The following FRA10AC1 variants were observed in gnomAD, a reference collection of about 807,000 sequenced individuals.
FRA10AC1 encodes FRA10A associated CGG repeat 1.
FRA10AC1 carries 43 observed loss-of-function variants against 56.5 expected under a neutral mutation model. The ratio of observed to expected loss-of-function variants is 0.76; its 90% CI spans 0.60 to 0.98. The LOEUF is 0.98. FRA10AC1 is among the 50% of genes least tolerant of loss of function. The probability of loss-of-function intolerance (pLI) is 0.00; values close to 1 mark genes in which losing one functional copy is unlikely to be tolerated. For synonymous variants in FRA10AC1, 112 were observed against 110.5 expected, an observed-to-expected ratio of 1.01 and a Z score of -0.09; for missense variants, 346 against 351.8, an observed-to-expected ratio of 0.98 and a Z score of 0.13.
Position 93,689,876 on chromosome 10 carries a change from G to A in FRA10AC1, c.465+2133C>T, listed in dbSNP as rs374566361. On this transcript the variant is annotated intron_variant, in intron 7 of 13. Coordinates refer to ENST00000359204, the MANE Select transcript of FRA10AC1 (RefSeq NM_145246.5). ...GAAGGATTCTGACTTTATGACCATCGACTTGAACTTTTATGTATAAGAAAA... is the reference window on the plus strand; with the variant it reads ...GAAGGATTCTGACTTTATGACCATCAACTTGAACTTTTATGTATAAGAAAA... Among the ~76,000 whole-genome samples the A allele has an allele frequency of 2.6e-5, 4 of 152,082 alleles. 1 individual carries two copies. The highest frequency in any genetic ancestry group is 4.1e-4 in the South Asian group (2 of 4,824).
intron 8 of FRA10AC1, chr10:93,685,564 TCTTG>T (rs2059013067): frequency 2.5e-6 from 1 of 398,864 alleles, no homozygotes; most frequent in Non-Finnish European, 4.4e-6. Context: ...GTCACAGAAT[TCTTG>T]CTTGATAGAC....
chr10:93,692,619 T>G, intron 6 of FRA10AC1, 27 bp downstream of exon 6: 1 of 1,388,668 alleles, frequency 7.2e-7, no homozygotes, highest in Non-Finnish European at 1.0e-6. Context: ...AAGCATTTGA[T>G]GCATTACGCC....
At chr10:93,695,897 GCTTTGCAAGCCA>G (rs141469593) in intron 4 of FRA10AC1, among the ~76,000 whole-genome samples, 16,563 of 152,118 alleles carry the variant, frequency 0.11, 1,417 homozygotes, top group East Asian at 0.23. Flanking sequence ...AATATTTCAG[GCTTTGCAAGCCA>G]TATGGTCTCT....
intron 8 of FRA10AC1, among the ~76,000 whole-genome samples, chr10:93,686,546 T>A (rs2059030811): frequency 6.6e-6 from 1 of 151,780 alleles, no homozygotes; most frequent in African/African-American, 2.4e-5. Flanking sequence ...AATATAACCC[T>A]AAGAAAAGTT....
At position 93,693,961 on chromosome 10, in the gene FRA10AC1, T is replaced by G. The variant is rs901321881; in HGVS notation, c.296+900A>C. ...AGAAGGGAGGTGAGGGATAAAAGACTACATTTTAGGTATAGCATACAGTGC... is the reference window on the plus strand; with the variant it reads ...AGAAGGGAGGTGAGGGATAAAAGACGACATTTTAGGTATAGCATACAGTGC... On this transcript the variant is annotated intron_variant, in intron 5 of 13. Transcript: ENST00000359204. Among the ~76,000 whole-genome samples, 5 of 151,938 alleles carry G rather than the reference T, an allele frequency of 3.3e-5. No homozygotes were observed. The South Asian group carries it at 1.0e-3, about 32-fold the overall frequency.
intron 1 of FRA10AC1, 92 bp from the exon 2 acceptor site, chr10:93,700,198 C>G: frequency 1.3e-6 from 1 of 755,148 alleles, no homozygotes; most frequent in South Asian, 1.7e-5. Flanking sequence ...TAAACAGCCA[C>G]AATAGTTTTA....
In FRA10AC1 at chr10:93,698,180, C is replaced by T. The variant is rs1392090505; in HGVS notation, c.175G>A (p.Glu59Lys). 6 of 1,582,690 alleles carry T rather than the reference C, an allele frequency of 3.8e-6. No individual in the cohort carries two copies. The highest frequency in any genetic ancestry group is 5.2e-6 in the Non-Finnish European group (6 of 1,160,588). The change falls in exon 4 of 14, where the codon GAA (glutamate) becomes AAA (lysine). Residue 59 changes from glutamate (E) to lysine (K), a missense_variant and splice_region_variant. Transcript: ENST00000359204. ...TGAAACCTTCTATTTCTTGCTTCTT[C>T]CCTGTTAAAACAAATTTTTTTAAGA... ...KQVAAELLDREEARNRRFHLI... is the reference protein window; with the variant it reads ...KQVAAELLDRKEARNRRFHLI...
At chr10:93,688,755 A>G (rs1321056726) in intron 7 of FRA10AC1, among the ~76,000 whole-genome samples, 1 of 152,090 alleles carries the variant, frequency 6.6e-6, no homozygotes, top group Non-Finnish European at 1.5e-5. Flanking sequence ...ATGCCACTGC[A>G]TTCCATCCAC....
At chr10:93,675,731 T>G (rs1176307340) in intron 12 of FRA10AC1, 1 of 301,278 alleles carries the variant, frequency 3.3e-6, no homozygotes, top group South Asian at 2.6e-5. Context: ...AATAACTAAG[T>G]AAGCCTAGAA....
At position 93,698,129 on chromosome 10, in the gene FRA10AC1, AG is replaced by A; in HGVS notation, c.219+6del. The A allele has an allele frequency of 6.7e-7, 1 of 1,489,452 alleles. No individual in the cohort carries two copies. The highest frequency in any genetic ancestry group is 1.4e-5 in the African/African-American group (1 of 70,440). The allele number at this position is 1,489,452 out of a possible 1,614,324, so 92.3% of individuals were successfully genotyped here. ...GTTATAAAAATCTGGAAATAAAAAA[AG>A]GATACAGCATCCATAGCTATGAGAT... On this transcript the variant is annotated splice_donor_region_variant and intron_variant, in intron 4 of 13. Coordinates refer to ENST00000359204, the MANE Select transcript of FRA10AC1 (RefSeq NM_145246.5).
chr10:93,685,127 A>G (rs2059002399), intron 9 of FRA10AC1, 119 bp downstream of exon 9: 2 of 608,036 alleles, frequency 3.3e-6, no homozygotes, highest in African/African-American at 2.0e-5. Flanking sequence ...AGCTCCAAGA[A>G]AAAAGAGCAC....
At chr10:93,671,724 A>G in intron 12 of FRA10AC1, 1 of 258,170 alleles carries the variant, frequency 3.9e-6, no homozygotes, top group South Asian at 4.1e-5. Flanking sequence ...TGCATAGTAT[A>G]ATAGATATGT....
At chr10:93,686,369 CCTAA>C (rs2059027731) in intron 8 of FRA10AC1, among the ~76,000 whole-genome samples, 1 of 151,760 alleles carries the variant, frequency 6.6e-6, no homozygotes, top group African/African-American at 2.4e-5. Flanking sequence ...CTTTCCCTTT[CCTAA>C]CTAGTCTTTT....
intron 11 of FRA10AC1, among the ~76,000 whole-genome samples, chr10:93,679,126 G>A (rs1461494622): frequency 6.6e-6 from 1 of 151,992 alleles, no homozygotes; most frequent in Non-Finnish European, 1.5e-5. Context: ...AGAAGTTGGG[G>A]GTAAAAAAGC....
chr10:93,688,810 AACT>A (rs2059074744), intron 7 of FRA10AC1, among the ~76,000 whole-genome samples: 1 of 152,042 alleles, frequency 6.6e-6, no homozygotes, highest in South Asian at 2.1e-4. Flanking sequence ...AACAAACAAA[AACT>A]ACAACAACAA....
chr10:93,676,833 T>C (rs914582302), intron 11 of FRA10AC1, 142 bp from the exon 12 acceptor site: 3 of 1,284,336 alleles, frequency 2.3e-6, no homozygotes, highest in African/African-American at 3.1e-5. Context: ...ATCTTTCATG[T>C]TCCTTAGTCT....
chr10:93,689,024 G>T (rs556379559), intron 7 of FRA10AC1, among the ~76,000 whole-genome samples: 80 of 149,552 alleles, frequency 5.3e-4, no homozygotes, highest in African/African-American at 1.8e-3. Context: ...TTCATATAAA[G>T]TGTTCAATGC....
chr10:93,699,508 A>G (rs953210358), intron 2 of FRA10AC1, among the ~76,000 whole-genome samples: 27 of 152,330 alleles, frequency 1.8e-4, no homozygotes, highest in Admixed American at 7.2e-4. Context: ...TCCTGCTTAT[A>G]ACGCACAGGC....
chr10:93,684,142 A>C (rs375464956), intron 9 of FRA10AC1, 44 bp from the exon 10 acceptor site: 3 of 1,378,640 alleles, frequency 2.2e-6, no homozygotes, highest in Non-Finnish European at 3.1e-6. Flanking sequence ...TTGAATAACC[A>C]CACTGCTAAT....
Sources: allele counts gnomAD v4.1 joint callset (sites outside exome capture counted in the v4.1 genomes callset), GRCh38; gene constraint gnomAD v4.1.1; transcripts MANE v1.5; gene names NCBI Gene and HGNC (gene_info 2026-07-23, HGNC 2026-07-21).